Variants in OR2Z1 observed in about 807,000 individuals in gnomAD.
The protein encoded by OR2Z1 is olfactory receptor 2Z1.
For synonymous variants in OR2Z1, 188 were observed against 160.6 expected, an observed-to-expected ratio of 1.17 and a Z score of -1.29; for missense variants, 449 against 401.8, an observed-to-expected ratio of 1.12 and a Z score of -1.00.
intron 2 of OR2Z1, among the ~76,000 whole-genome samples, chr19:8,727,988 A>G (rs1316485202): frequency 6.6e-6 from 1 of 152,244 alleles, no homozygotes; most frequent in African/African-American, 2.4e-5. Flanking sequence ...TTTATAAAAC[A>G]TACGAATAAT....
rs544849498 is a variant in OR2Z1, at chr19:8,731,309, A to T, written c.281A>T (p.Tyr94Phe). The change falls in exon 3 of 3, where the codon TAT becomes TTT. Residue 94 changes from tyrosine to phenylalanine, a missense_variant. Tyr to Phe is a conservative substitution (Grantham distance 22). Coordinates refer to ENST00000641125, the MANE Select transcript of OR2Z1 (RefSeq NM_001004699.3). Reference protein sequence around the residue: ...DFLRGEGATSYGGGAAQIFFL... With the variant: ...DFLRGEGATSFGGGAAQIFFL... ...CTGCGGGGAGAAGGTGCCACCTCCT[A>T]TGGAGGTGGTGCAGCTCAAATATTC... 3.8e-5 allele frequency: 62 copies of T among 1,613,678 alleles called. 1 individual carries two copies. In the Admixed American group the frequency reaches 1.0e-3, roughly 27 times the overall value.
chr19:8,729,660 G>A (rs1438927608), intron 2 of OR2Z1, among the ~76,000 whole-genome samples: 2 of 151,428 alleles, frequency 1.3e-5, no homozygotes, highest in Non-Finnish European at 2.9e-5. Flanking sequence ...GTGCGATCTC[G>A]GCTCACTGCA....
rs782665114 is a variant in OR2Z1, at chr19:8,731,137, A to G, written c.109A>G (p.Ile37Val). The change falls in exon 3 of 3, where the codon ATA (isoleucine) becomes GTA (valine). Residue 37 changes from isoleucine to valine, a missense_variant. Ile to Val is a conservative substitution (Grantham distance 29). Coordinates refer to ENST00000641125, the MANE Select transcript of OR2Z1 (RefSeq NM_001004699.3). ...LFSLVAVMFV[I>V]GLLGNTVLLF... ...CTCCCTGGTGGCTGTCATGTTTGTCATAGGCCTTCTGGGCAACACCGTTCT... is the reference window on the plus strand; with the variant it reads ...CTCCCTGGTGGCTGTCATGTTTGTCGTAGGCCTTCTGGGCAACACCGTTCT... The G allele has an allele frequency of 1.2e-5, 19 of 1,613,858 alleles. 1 individual carries two copies. The highest frequency in any genetic ancestry group is 1.6e-5 in the Non-Finnish European group (19 of 1,179,958).
In OR2Z1 at chr19:8,728,891, G is replaced by A. The variant is rs1406320765; in HGVS notation, c.-169-1969G>A. On this transcript the variant is annotated intron_variant, in intron 2 of 2. Transcript: ENST00000641125. ...TCACATGCTGTTTGATCTGGTGCTT[G>A]TTGGCTTCAATGTCCACAATGAACG... The A allele has an allele frequency of 7.7e-6, 5 of 652,772 alleles. No individual in the cohort carries two copies. The Admixed American group carries it at 9.1e-5, about 12-fold the overall frequency. The allele number at this position is 652,772 out of a possible 1,614,324, so 40.4% of individuals were successfully genotyped here.
rs146942346 is a variant in OR2Z1, at chr19:8,731,365, G to A, written c.337G>A (p.Val113Ile). 121 of 1,613,906 alleles carry A rather than the reference G, an allele frequency of 7.5e-5. No homozygotes were observed. The highest frequency in any genetic ancestry group is 1.1e-4 in the African/African-American group (8 of 74,866). The change falls in exon 3 of 3, where the codon GTC (valine) becomes ATC (isoleucine). Residue 113 changes from valine to isoleucine, a missense_variant. Transcript: ENST00000641125. Reference sequence around the variant, plus strand: ...CACACTGATGGGTGTGGCTGAGGGCGTCCTGTTGGTCCTCATGTCTTATGA... The same window carrying A: ...CACACTGATGGGTGTGGCTGAGGGCATCCTGTTGGTCCTCATGTCTTATGA... ...FLTLMGVAEG[V>I]LLVLMSYDRY...
intron 2 of OR2Z1, among the ~76,000 whole-genome samples, chr19:8,724,792 C>T (rs564624989): frequency 2.1e-4 from 32 of 152,168 alleles, no homozygotes; most frequent in African/African-American, 7.7e-4. Context: ...AGGTGATAGG[C>T]TTAGAGGAGC....
At position 8,731,899 on chromosome 19, in the gene OR2Z1, A is replaced by G. The variant is rs1455126163; in HGVS notation, c.871A>G (p.Ser291Gly). The G allele has an allele frequency of 5.0e-6, 8 of 1,614,124 alleles. No homozygotes were observed. Among genetic ancestry groups the G allele is most frequent in the Non-Finnish European group, 6.8e-6 (8 of 1,180,020 alleles). The change falls in exon 3 of 3, where the codon AGT (serine) becomes GGT (glycine). Residue 291 changes from serine to glycine, a missense_variant. Transcript: ENST00000641125. ...CCCTACACTCAACCCCCTTATCTACAGTCTGAGGAATCCGGAGGTGTGGAT... is the reference window on the plus strand; with the variant it reads ...CCCTACACTCAACCCCCTTATCTACGGTCTGAGGAATCCGGAGGTGTGGAT... ...VTPTLNPLIY[S>G]LRNPEVWMAL...
intron 2 of OR2Z1, among the ~76,000 whole-genome samples, chr19:8,728,223 C>T (rs965191865): frequency 3.9e-5 from 6 of 152,206 alleles, no homozygotes; most frequent in African/African-American, 1.4e-4. Flanking sequence ...AATAATCTGG[C>T]TTTGTCTGGG....
intron 2 of OR2Z1, among the ~76,000 whole-genome samples, chr19:8,730,474 C>T (rs923509671): frequency 2.0e-5 from 3 of 151,920 alleles, no homozygotes; most frequent in Non-Finnish European, 4.4e-5. Context: ...GGCTGGAGTG[C>T]AGTGGCATGA....
At chr19:8,729,150 C>A in intron 2 of OR2Z1, 1 of 1,233,300 alleles carries the variant, frequency 8.1e-7, no homozygotes, top group South Asian at 1.2e-5. Flanking sequence ...AAAGCCTTCA[C>A]TTTGGCTTCG....
rs1039376316 is a variant in OR2Z1 at position 8,721,734 on chromosome 19, G to C, written c.-523G>C. 1.3e-5 allele frequency: 2 copies of C among 152,210 alleles called. No individual in the cohort carries two copies. The highest frequency in any genetic ancestry group is 4.8e-5 in the African/African-American group (2 of 41,434). The allele number at this position is 152,210 out of a possible 1,614,324, so 9.4% of individuals were successfully genotyped here. ...ATAGCAGAAGGTCACCCATGTTGACGTTCATTCCAAACCTTCCATAAAATG... is the reference window on the plus strand; with the variant it reads ...ATAGCAGAAGGTCACCCATGTTGACCTTCATTCCAAACCTTCCATAAAATG... On this transcript the variant is annotated 5_prime_UTR_variant, in exon 1 of 3. Transcript: ENST00000641125.
In OR2Z1 at chr19:8,721,738, A is replaced by G. The variant is rs1420301643; in HGVS notation, c.-519A>G. The G allele has an allele frequency of 6.6e-6, 1 of 152,264 alleles. No individual in the cohort carries two copies. Among genetic ancestry groups the G allele is most frequent in the Non-Finnish European group, 1.5e-5 (1 of 68,048 alleles). 9.4% of individuals were successfully genotyped at this position (152,264 alleles called of 1,614,324 possible). On this transcript the variant is annotated 5_prime_UTR_variant, in exon 1 of 3. Transcript: ENST00000641125. ...CAGAAGGTCACCCATGTTGACGTTCATTCCAAACCTTCCATAAAATGTGCT... is the reference window on the plus strand; with the variant it reads ...CAGAAGGTCACCCATGTTGACGTTCGTTCCAAACCTTCCATAAAATGTGCT...
At position 8,731,177 on chromosome 19, in the gene OR2Z1, G is replaced by T. The variant is rs782053066; in HGVS notation, c.149G>T (p.Arg50Leu). 5 of 1,613,902 alleles carry T rather than the reference G, an allele frequency of 3.1e-6. No individual in the cohort carries two copies. In the Admixed American group the frequency reaches 6.7e-5, roughly 22 times the overall value. ...LGNTVLLFLI[R>L]VDSRLHTPMY... ...AACACCGTTCTTCTCTTCTTGATCCGTGTGGACTCCCGGCTCCACACACCC... is the reference window on the plus strand; with the variant it reads ...AACACCGTTCTTCTCTTCTTGATCCTTGTGGACTCCCGGCTCCACACACCC... Residue 50 changes from arginine (R) to leucine (L), a missense_variant, in exon 3 of 3, where the codon CGT becomes CTT. By Grantham distance (102) the Arg-to-Leu change is moderately radical. Transcript: ENST00000641125.
chr19:8,731,268 G>A lies in OR2Z1; in HGVS notation c.240G>A (p.Lys80=). Residue 80 remains lysine (K), a synonymous_variant, in exon 3 of 3, where the codon AAG becomes AAA. Coordinates refer to ENST00000641125, the MANE Select transcript of OR2Z1 (RefSeq NM_001004699.3). ...GCTGTCCCATGGTCACCATCCCCAA[G>A]ATGGCATCAGACTTTCTGCGGGGAG... The part of the protein sequence containing the change: ...DIGCPMVTIP[K]MASDFLRGEG... 6.2e-7 allele frequency: 1 copy of A among 1,614,112 alleles called. No homozygotes were observed. The highest frequency in any genetic ancestry group is 1.1e-5 in the South Asian group (1 of 91,066).
chr19:8,726,258 C>A (rs1450841733), intron 2 of OR2Z1, among the ~76,000 whole-genome samples: 1 of 152,180 alleles, frequency 6.6e-6, no homozygotes, highest in African/African-American at 2.4e-5. Context: ...AGCCATCATG[C>A]CTGGCTGGTG....
chr19:8,727,144 A>G (rs2043330828), intron 2 of OR2Z1, among the ~76,000 whole-genome samples: 1 of 151,960 alleles, frequency 6.6e-6, no homozygotes, highest in Admixed American at 6.6e-5. Context: ...GAGGCACCCT[A>G]TGTTGCCCAG....
Position 8,726,637 on chromosome 19 carries a change from G to A in OR2Z1, c.-170+3487G>A, listed in dbSNP as rs1003218341. Reference sequence around the variant, plus strand: ...GAGATGGTGGAGTCCAGAGAACCGGGGATCTTGCCTGGATGATTCACCTCT... The same window carrying A: ...GAGATGGTGGAGTCCAGAGAACCGGAGATCTTGCCTGGATGATTCACCTCT... On this transcript the variant is annotated intron_variant, in intron 2 of 2. Transcript: ENST00000641125. Among the ~76,000 whole-genome samples, 5 of 152,202 alleles carry A rather than the reference G, an allele frequency of 3.3e-5. No homozygotes were observed. In the East Asian group the frequency reaches 7.7e-4, roughly 23 times the overall value.
chr19:8,730,135 T>C (rs2043345585), intron 2 of OR2Z1, among the ~76,000 whole-genome samples: 1 of 152,246 alleles, frequency 6.6e-6, no homozygotes. Flanking sequence ...AATAGTGCTG[T>C]GATAAACATG....
Position 8,731,288 on chromosome 19 carries a change from G to A in OR2Z1, c.260G>A (p.Arg87Gln), listed in dbSNP as rs781869790. Residue 87 changes from arginine (R) to glutamine (Q), a missense_variant, in exon 3 of 3, where the codon CGG becomes CAG. Arg to Gln is a conservative substitution (Grantham distance 43, BLOSUM62 1). Coordinates refer to ENST00000641125, the MANE Select transcript of OR2Z1 (RefSeq NM_001004699.3). Reference protein sequence around the residue: ...TIPKMASDFLRGEGATSYGGG... With the variant: ...TIPKMASDFLQGEGATSYGGG... ...CCCAAGATGGCATCAGACTTTCTGC[G>A]GGGAGAAGGTGCCACCTCCTATGGA... The A allele has an allele frequency of 1.9e-5, 30 of 1,613,936 alleles. No homozygotes were observed. The highest frequency in any genetic ancestry group is 1.3e-4 in the Admixed American group (8 of 59,986).
Sources: gnomAD v4.1 joint callset for allele counts (sites outside exome capture counted in the v4.1 genomes callset) on GRCh38, gnomAD v4.1.1 for gene constraint, MANE v1.5 for transcripts, NCBI Gene and HGNC (gene_info 2026-07-23, HGNC 2026-07-21) for gene names.